Variants in MAPK8 observed in about 807,000 individuals in gnomAD.
MAPK8 encodes the protein mitogen-activated protein kinase 8.
In MAPK8, 13 loss-of-function variants were observed where a neutral mutation model predicts 52.9. That is an observed-to-expected ratio of 0.25 (90% CI 0.16 to 0.39). The LOEUF (loss-of-function observed/expected upper bound fraction) is 0.39. Ranked by LOEUF, MAPK8 falls within the 10% of genes least tolerant of loss-of-function variation. MAPK8 has a pLI of 1.00. For missense variants in MAPK8, 300 were observed against 519.2 expected (o/e 0.58, Z 4.10); for synonymous variants, 191 against 169.8 (o/e 1.12, Z -0.97).
intron 5 of MAPK8, among the ~76,000 whole-genome samples, chr10:48,414,208 A>C (rs1241331455): frequency 6.6e-6 from 1 of 152,082 alleles, no homozygotes; most frequent in African/African-American, 2.4e-5. Flanking sequence ...TACCTAGCAT[A>C]ATCTTTTCAA....
intron 1 of MAPK8, among the ~76,000 whole-genome samples, chr10:48,375,605 C>G (rs2040610926): frequency 6.6e-6 from 1 of 152,026 alleles, no homozygotes; most frequent in African/African-American, 2.4e-5. Context: ...AGACAGACAG[C>G]CAAATCATGA....
Position 48,437,966 on chromosome 10 carries a change from G to C in MAPK8, c.*2937G>C, listed in dbSNP as rs1687167887. 1.3e-5 allele frequency: 2 copies of C among 152,272 alleles called. No homozygotes were observed. The highest frequency in any genetic ancestry group is 2.9e-5 in the Non-Finnish European group (2 of 68,062). The allele number at this position is 152,272 out of a possible 1,614,324, so 9.4% of individuals were successfully genotyped here. A position where few individuals can be genotyped will look rare whatever the true frequency, so the allele number is the denominator to read the frequency against. On this transcript the variant is annotated 3_prime_UTR_variant, in exon 12 of 12. Transcript: ENST00000374189. The stretch of plus-strand genomic sequence containing the variant: ...TGATAGTGAAATCATCAGCAGGAAA[G>C]TGAAGCTCTTTCCTTGGTTACAGAT...
chr10:48,400,853 A>T (rs2042123438), intron 1 of MAPK8, among the ~76,000 whole-genome samples: 1 of 152,230 alleles, frequency 6.6e-6, no homozygotes, highest in Non-Finnish European at 1.5e-5. Flanking sequence ...GTAGAAAAAA[A>T]GTGTCTTGAT....
chr10:48,386,812 A>G (rs1023467885), intron 1 of MAPK8, among the ~76,000 whole-genome samples: 1 of 152,202 alleles, frequency 6.6e-6, no homozygotes, highest in African/African-American at 2.4e-5. Context: ...AAATATATAT[A>G]TTTTAAAGTA....
intron 3 of MAPK8, among the ~76,000 whole-genome samples, chr10:48,405,649 T>C (rs2133034515): frequency 6.6e-6 from 1 of 152,348 alleles, no homozygotes; most frequent in South Asian, 2.1e-4. Flanking sequence ...TTGTGATTGT[T>C]CTAATGGAAT....
chr10:48,396,792 A>G (rs2041909413), intron 1 of MAPK8, among the ~76,000 whole-genome samples: 1 of 152,218 alleles, frequency 6.6e-6, no homozygotes, highest in African/African-American at 2.4e-5. Flanking sequence ...TGAAATAGCT[A>G]TTCAGTTCTT....
At position 48,387,182 on chromosome 10, in the gene MAPK8, C is replaced by T. The variant is rs74130259; in HGVS notation, c.-49-14430C>T. ...CTTTGTGGGTGGGGGTCAGATTCTC[C>T]TAGAAGAGAGGGCAAACTAGGTATG... On this transcript the variant is annotated intron_variant, in intron 1 of 11. Transcript: ENST00000374189. Among the ~76,000 whole-genome samples the T allele has an allele frequency of 6.4e-3, 978 of 152,278 alleles. 11 individuals carry two copies. Among genetic ancestry groups the T allele is most frequent in the South Asian group, 0.029 (140 of 4,826 alleles).
chr10:48,372,675 GAAAA>G (rs906470647), intron 1 of MAPK8, among the ~76,000 whole-genome samples: 1 of 138,056 alleles, frequency 7.2e-6, no homozygotes, highest in Non-Finnish European at 1.6e-5. Context: ...AGATTAGAGA[GAAAA>G]AAAAAAAGAG....
At chr10:48,429,327 TAC>T (rs1413676969) in intron 10 of MAPK8, among the ~76,000 whole-genome samples, 2 of 152,232 alleles carry the variant, frequency 1.3e-5, no homozygotes, top group East Asian at 1.9e-4. Context: ...ATCAGTGAGA[TAC>T]AGTGTTTTCA....
At chr10:48,418,496 A>G (rs773392437) in intron 5 of MAPK8, among the ~76,000 whole-genome samples, 57 of 152,278 alleles carry the variant, frequency 3.7e-4, no homozygotes, top group Non-Finnish European at 6.9e-4. Flanking sequence ...AATCCTCTGG[A>G]AAGTTCCTAA....
At chr10:48,421,782 C>T (rs564727489) in intron 6 of MAPK8, among the ~76,000 whole-genome samples, 1 of 151,802 alleles carries the variant, frequency 6.6e-6, no homozygotes, top group Non-Finnish European at 1.5e-5. Context: ...CCAGCCTGGG[C>T]GACAAAGCAA....
At chr10:48,392,867 A>T (rs1357961258) in intron 1 of MAPK8, among the ~76,000 whole-genome samples, 1 of 152,166 alleles carries the variant, frequency 6.6e-6, no homozygotes, top group Admixed American at 6.5e-5. Context: ...CAGTTTCCTT[A>T]TAAATTTCCC....
intron 1 of MAPK8, among the ~76,000 whole-genome samples, chr10:48,332,001 A>G (rs145007663): frequency 5.6e-4 from 85 of 152,232 alleles, no homozygotes; most frequent in African/African-American, 2.0e-3. Flanking sequence ...GGGTATGATA[A>G]TCTCATCTAA....
At position 48,437,848 on chromosome 10, in the gene MAPK8, G is replaced by C. The variant is rs969789352; in HGVS notation, c.*2819G>C. On this transcript the variant is annotated 3_prime_UTR_variant, in exon 12 of 12. Transcript: ENST00000374189. ...ACAATCCAAAGAAGCTTGATGGTGT[G>C]CAAAGAAGCATCCTGCCAGCCTTGT... is the stretch of plus-strand genomic sequence containing the variant. 3.3e-5 allele frequency: 5 copies of C among 152,254 alleles called. No homozygotes were observed. Among genetic ancestry groups the C allele is most frequent in the African/African-American group, 1.2e-4 (5 of 41,464 alleles). 9.4% of individuals were successfully genotyped at this position (152,254 alleles called of 1,614,324 possible).
chr10:48,307,073 C>G (rs944716360), intron 1 of MAPK8: 1 of 152,298 alleles, frequency 6.6e-6, no homozygotes, highest in African/African-American at 2.4e-5. Flanking sequence ...GCCGCGAGCC[C>G]CGCCCGCCTG....
In MAPK8 at chr10:48,435,105, G is replaced by T; in HGVS notation, c.*76G>T. The T allele has an allele frequency of 8.9e-7, 1 of 1,125,164 alleles. No homozygotes were observed. Among genetic ancestry groups the T allele is most frequent in the Admixed American group, 2.8e-5 (1 of 35,250 alleles). 69.7% of individuals were successfully genotyped at this position (1,125,164 alleles called of 1,614,324 possible). Reference sequence around the variant, plus strand: ...ATAGAACTACTTTGAAAACAATTCAGTGGTCTTATTTTTGGGTGATTTTTC... The same window carrying T: ...ATAGAACTACTTTGAAAACAATTCATTGGTCTTATTTTTGGGTGATTTTTC... On this transcript the variant is annotated 3_prime_UTR_variant, in exon 12 of 12. Transcript: ENST00000374189.
At chr10:48,324,503 G>GTTTTTTTTTTGTT (rs1843293082) in intron 1 of MAPK8, among the ~76,000 whole-genome samples, 3 of 118,020 alleles carry the variant, frequency 2.5e-5, no homozygotes, top group African/African-American at 1.1e-4. Flanking sequence ...CTGTTTTCTA[G>GTTTTTTTTTTGTT]TTTTTTTTTT....
intron 1 of MAPK8, among the ~76,000 whole-genome samples, chr10:48,362,153 A>G (rs1847590407): frequency 6.6e-6 from 1 of 152,130 alleles, no homozygotes; most frequent in East Asian, 1.9e-4. Flanking sequence ...GCAAAATGGA[A>G]TATTTTTCTT....
chr10:48,425,262 A>G (rs1016717836), intron 7 of MAPK8: 1 of 719,492 alleles, frequency 1.4e-6, no homozygotes. Flanking sequence ...GAGTGTAAAG[A>G]CTAGAGGAAA....
Sources: gnomAD v4.1 joint callset for allele counts (sites outside exome capture counted in the v4.1 genomes callset) on GRCh38, gnomAD v4.1.1 for gene constraint, MANE v1.5 for transcripts, NCBI Gene and HGNC (gene_info 2026-07-23, HGNC 2026-07-21) for gene names.